TLE4: variants seen among roughly 807,000 people sequenced by gnomAD.
TLE4 encodes transducin-like enhancer protein 4.
A neutral mutation model predicts 92.8 loss-of-function variants in TLE4; 8 were observed. That is an observed-to-expected ratio of 0.09 (90% CI 0.05 to 0.16). The LOEUF (loss-of-function observed/expected upper bound fraction) is 0.16. Among genes scored for constraint, TLE4 ranks in the 10% least tolerant of loss-of-function variants. The pLI, the probability that TLE4 is intolerant of heterozygous loss-of-function variation, is 1.00. For missense variants in TLE4, 675 were observed against 997.6 expected, an observed-to-expected ratio of 0.68 and a Z score of 4.36; for synonymous variants, 371 against 374.1, an observed-to-expected ratio of 0.99 and a Z score of 0.10.
At chr9:79,672,079 A>G (rs139584355) in intron 8 of TLE4, among the ~76,000 whole-genome samples, 1 of 127,310 alleles carries the variant, frequency 7.9e-6, no homozygotes, top group Non-Finnish European at 1.5e-5. Flanking sequence ...GTGCCCTGCT[A>G]CATAGTTGTC....
chr9:79,671,995 CTTTTTTTTTTTTTTT>C (rs773064446), intron 8 of TLE4, among the ~76,000 whole-genome samples: 9 of 33,716 alleles, frequency 2.7e-4, no homozygotes, highest in East Asian at 1.1e-3. Context: ...AAACAAAACA[CTTTTTTTTTTTTTTT>C]TTTTTTTTTT....
chr9:79,709,177 A>T (rs994536397), intron 13 of TLE4, among the ~76,000 whole-genome samples: 3 of 152,142 alleles, frequency 2.0e-5, no homozygotes, highest in South Asian at 4.1e-4. Flanking sequence ...GTATTTAGAG[A>T]TCTGTGGGTA....
chr9:79,627,082 GT>G (rs2052805972), intron 5 of TLE4, among the ~76,000 whole-genome samples: 1 of 152,128 alleles, frequency 6.6e-6, no homozygotes, highest in African/African-American at 2.4e-5. Context: ...CAGATGGGTG[GT>G]CCAAGTGTAC....
intron 8 of TLE4, among the ~76,000 whole-genome samples, chr9:79,694,384 G>A (rs1292263061): frequency 6.6e-6 from 1 of 152,136 alleles, no homozygotes; most frequent in African/African-American, 2.4e-5. Flanking sequence ...GCTCTTGTCT[G>A]GTTAGACCAG....
intron 4 of TLE4, among the ~76,000 whole-genome samples, chr9:79,589,035 G>C (rs1056604701): frequency 6.6e-6 from 1 of 152,314 alleles, no homozygotes; most frequent in Non-Finnish European, 1.5e-5. Flanking sequence ...CTGGCATGTA[G>C]TGGGTAGAGT....
At chr9:79,662,148 T>A (rs1163962122) in intron 8 of TLE4, among the ~76,000 whole-genome samples, 1 of 152,238 alleles carries the variant, frequency 6.6e-6, no homozygotes, top group Non-Finnish European at 1.5e-5. Flanking sequence ...TCTTAAGTAT[T>A]CTTGTTGTAA....
intron 4 of TLE4, among the ~76,000 whole-genome samples, chr9:79,604,384 GT>G (rs2046347651): frequency 6.6e-6 from 1 of 152,136 alleles, no homozygotes; most frequent in Non-Finnish European, 1.5e-5. Context: ...TGGCAGAGTG[GT>G]ATCTCAGTAA....
In TLE4 at chr9:79,720,090, T is replaced by C; in HGVS notation, c.1635T>C (p.Gly545=). Residue 545 remains glycine, a synonymous_variant, in exon 16 of 20, where the codon GGT becomes GGC. Transcript: ENST00000376552. ...GTTCCTGCAGATTGCTCCCTGATGG[T>C]CGCACCCTAATTGTTGGAGGGGAAG... The part of the protein sequence containing the change: ...YIRSCRLLPD[G]RTLIVGGEAS... 6.2e-7 allele frequency: 1 copy of C among 1,614,002 alleles called. No homozygotes were observed. Among genetic ancestry groups the C allele is most frequent in the Non-Finnish European group, 8.5e-7 (1 of 1,179,898 alleles).
intron 14 of TLE4, among the ~76,000 whole-genome samples, chr9:79,712,099 A>G (rs1253583990): frequency 6.6e-6 from 1 of 152,178 alleles, no homozygotes; most frequent in Admixed American, 6.5e-5. Context: ...AGGAAGTAAG[A>G]TAATATGTTG....
At chr9:79,628,251 C>A (rs1429699142) in intron 6 of TLE4, among the ~76,000 whole-genome samples, 2 of 152,232 alleles carry the variant, frequency 1.3e-5, no homozygotes, top group East Asian at 3.9e-4. Context: ...ACTACAACTG[C>A]ACTTTCCTCT....
At chr9:79,646,767 C>A (rs1262483405) in intron 6 of TLE4, among the ~76,000 whole-genome samples, 2 of 151,900 alleles carry the variant, frequency 1.3e-5, no homozygotes, top group African/African-American at 2.4e-5. Flanking sequence ...CTGTCATATG[C>A]CTTTTGGTGA....
At chr9:79,678,210 T>C (rs998400004) in intron 8 of TLE4, among the ~76,000 whole-genome samples, 2 of 152,144 alleles carry the variant, frequency 1.3e-5, no homozygotes, top group African/African-American at 4.8e-5. Flanking sequence ...GTTATGTACG[T>C]GAATCTGCCT....
intron 6 of TLE4, among the ~76,000 whole-genome samples, chr9:79,633,474 T>C (rs868243711): frequency 6.6e-6 from 1 of 152,228 alleles, no homozygotes; most frequent in East Asian, 1.9e-4. Context: ...CAAAGTGTTA[T>C]AAGAGTTGCA....
chr9:79,590,505 T>A (rs1304493391), intron 4 of TLE4, among the ~76,000 whole-genome samples: 1 of 152,196 alleles, frequency 6.6e-6, no homozygotes, highest in Non-Finnish European at 1.5e-5. Context: ...GCAGGCAAAG[T>A]ACATTATGTA....
At chr9:79,689,879 A>G (rs758330903) in intron 8 of TLE4, among the ~76,000 whole-genome samples, 16 of 152,126 alleles carry the variant, frequency 1.1e-4, no homozygotes, top group Non-Finnish European at 1.9e-4. Flanking sequence ...AGCTTTTAAG[A>G]TTGCCTGTAT....
At chr9:79,598,082 A>G (rs944717460) in intron 4 of TLE4, among the ~76,000 whole-genome samples, 4 of 149,210 alleles carry the variant, frequency 2.7e-5, no homozygotes, top group African/African-American at 1.0e-4. Context: ...AAAGAAAAAA[A>G]AAAAAAAAAA....
chr9:79,616,899 A>G (rs185202171), intron 5 of TLE4, among the ~76,000 whole-genome samples: 289 of 152,310 alleles, frequency 1.9e-3, no homozygotes, highest in Non-Finnish European at 3.5e-3. Context: ...TTGCATTGCA[A>G]AGTTGATCTC....
rs114910575 is a variant in TLE4 at position 79,671,248 on chromosome 9, C to G, written c.609+17173C>G. The G allele has an allele frequency of 1.2e-3, 547 of 456,280 alleles. 2 individuals carry two copies. Among genetic ancestry groups the G allele is most frequent in the African/African-American group, 0.01 (504 of 50,140 alleles). The allele number at this position is 456,280 out of a possible 1,614,324, so 28.3% of individuals were successfully genotyped here. A position where few individuals can be genotyped will look rare whatever the true frequency, so the allele number is the denominator to read the frequency against. On this transcript the variant is annotated intron_variant, in intron 8 of 19. Coordinates refer to ENST00000376552, the MANE Select transcript of TLE4 (RefSeq NM_007005.6). ...GCTCATAATGGATGAAATTGGAGAC[C>G]AAAGAGGAAGAACCTTCTGGGTTCC...
chr9:79,653,923 T>G (rs2059393972), intron 7 of TLE4, 136 bp from the exon 8 acceptor site: 1 of 1,001,740 alleles, frequency 1.0e-6, no homozygotes, highest in African/African-American at 1.6e-5. Flanking sequence ...TACAGCACAG[T>G]TGACATCTGT....
Sources: allele counts gnomAD v4.1 joint callset (sites outside exome capture counted in the v4.1 genomes callset), GRCh38; gene constraint gnomAD v4.1.1; transcripts MANE v1.5; gene names NCBI Gene and HGNC (gene_info 2026-07-23, HGNC 2026-07-21).